TBCK: variants seen among roughly 807,000 people sequenced by gnomAD.
TBCK encodes TBC domain-containing protein kinase-like protein.
In TBCK, 99 loss-of-function variants were observed where a neutral mutation model predicts 113.4. The ratio of observed to expected loss-of-function variants is 0.87; its 90% CI spans 0.74 to 1.03. The LOEUF (loss-of-function observed/expected upper bound fraction) is 1.03. Among genes scored for constraint, TBCK ranks in the 50% least tolerant of loss-of-function variants. The pLI is 0.00. For synonymous variants in TBCK, 369 were observed against 370.8 expected, an observed-to-expected ratio of 1.00 and a Z score of 0.05; for missense variants, 1,045 against 1,061.3, an observed-to-expected ratio of 0.98 and a Z score of 0.21.
At chr4:106,230,764 A>C (rs969992998) in intron 18 of TBCK, among the ~76,000 whole-genome samples, 7 of 151,862 alleles carry the variant, frequency 4.6e-5, no homozygotes, top group South Asian at 4.1e-4. Context: ...CATTATTAGT[A>C]AGTTATACGG....
intron 23 of TBCK, among the ~76,000 whole-genome samples, chr4:106,132,374 G>C (rs896223120): frequency 9.8e-5 from 15 of 152,388 alleles, no homozygotes; most frequent in African/African-American, 3.6e-4. Context: ...CTTTGCTTCA[G>C]GGGGTGCAAG....
intron 24 of TBCK, among the ~76,000 whole-genome samples, chr4:106,108,159 C>T (rs899194140): frequency 6.6e-6 from 1 of 152,076 alleles, no homozygotes; most frequent in African/African-American, 2.4e-5. Context: ...GGATTCATAA[C>T]CAAATTCTAC....
chr4:106,220,606 T>C (rs562246486), intron 19 of TBCK, among the ~76,000 whole-genome samples: 1 of 152,142 alleles, frequency 6.6e-6, no homozygotes, highest in South Asian at 2.1e-4. Flanking sequence ...TTACCCATGC[T>C]GGATTTAAAA....
intron 1 of TBCK, chr4:106,310,255 G>C (rs1198818989): frequency 6.6e-6 from 1 of 152,134 alleles, no homozygotes; most frequent in Admixed American, 6.5e-5. Flanking sequence ...CAGGCCATGA[G>C]GTGATGAAAG....
intron 25 of TBCK, among the ~76,000 whole-genome samples, chr4:106,052,373 G>A (rs1434491573): frequency 6.6e-6 from 1 of 151,720 alleles, no homozygotes; most frequent in Admixed American, 6.6e-5. Flanking sequence ...TAAAAAGTGG[G>A]AGAGTCTAGA....
intron 3 of TBCK, among the ~76,000 whole-genome samples, chr4:106,273,206 A>C (rs1250041606): frequency 6.6e-6 from 1 of 152,276 alleles, no homozygotes; most frequent in Non-Finnish European, 1.5e-5. Context: ...ATACAACTTA[A>C]GATGAAGTTC....
chr4:106,181,860 T>C (rs950675593), intron 22 of TBCK, among the ~76,000 whole-genome samples: 1 of 152,192 alleles, frequency 6.6e-6, no homozygotes, highest in Non-Finnish European at 1.5e-5. Flanking sequence ...GGCTCTTTTT[T>C]GGTTCCATAT....
rs1553957897 is a variant in TBCK, at chr4:106,197,411, G to GTATATATATA, written c.1861-2667_1861-2658dup. On this transcript the variant is annotated intron_variant, in intron 20 of 25. Coordinates refer to ENST00000394708, the MANE Select transcript of TBCK (RefSeq NM_001163435.3). ...AGTGTGTGTGTGTGTGTGTGTGTGTGTATATATATATATATATATATAATA... is the reference window on the plus strand; with the variant it reads ...AGTGTGTGTGTGTGTGTGTGTGTGTGTATATATATATATATATATATATATATATATAATA... Among the ~76,000 whole-genome samples the GTATATATATA allele has an allele frequency of 2.5e-3, 312 of 122,454 alleles. 4 individuals are homozygous for GTATATATATA. Among genetic ancestry groups the GTATATATATA allele is most frequent in the East Asian group, 6.9e-3 (30 of 4,338 alleles). 80.3% of individuals were successfully genotyped at this position (122,454 alleles called of 152,430 possible).
At chr4:106,226,967 A>G (rs372754002) in intron 19 of TBCK, among the ~76,000 whole-genome samples, 12 of 152,222 alleles carry the variant, frequency 7.9e-5, no homozygotes, top group African/African-American at 2.9e-4. Flanking sequence ...GAAGTCAATG[A>G]CCTTATTAAG....
intron 5 of TBCK, among the ~76,000 whole-genome samples, chr4:106,254,655 G>C (rs1351818215): frequency 3.3e-5 from 5 of 151,820 alleles, no homozygotes; most frequent in Non-Finnish European, 5.9e-5. Context: ...GATTCATCTA[G>C]AATTCATTTT....
At chr4:106,208,911 T>A (rs1755830807) in intron 20 of TBCK, among the ~76,000 whole-genome samples, 1 of 152,090 alleles carries the variant, frequency 6.6e-6, no homozygotes, top group Admixed American at 6.5e-5. Flanking sequence ...AGACGCCGGC[T>A]CCCAAGGTGG....
intron 25 of TBCK, among the ~76,000 whole-genome samples, chr4:106,062,913 T>C (rs766503533): frequency 2.0e-5 from 3 of 151,922 alleles, no homozygotes; most frequent in Non-Finnish European, 2.9e-5. Context: ...AGAAAACCAA[T>C]GTCTGGATTA....
intron 1 of TBCK, among the ~76,000 whole-genome samples, chr4:106,315,156 G>A (rs556077269): frequency 1.3e-5 from 2 of 152,108 alleles, no homozygotes; most frequent in African/African-American, 4.8e-5. Context: ...ACGTAGAGAT[G>A]AGAGATTAGA....
intron 24 of TBCK, among the ~76,000 whole-genome samples, chr4:106,111,237 T>C (rs1742817075): frequency 6.6e-6 from 1 of 152,178 alleles, no homozygotes; most frequent in Non-Finnish European, 1.5e-5. Flanking sequence ...ATACAGTCCT[T>C]GTAATTTGCC....
chr4:106,302,476 G>A (rs1433273987), intron 2 of TBCK, among the ~76,000 whole-genome samples: 1 of 152,198 alleles, frequency 6.6e-6, no homozygotes, highest in East Asian at 1.9e-4. Flanking sequence ...GCCCGTTTAG[G>A]TAGAGGAAGG....
chr4:106,283,982 T>G (rs892075894), intron 3 of TBCK, among the ~76,000 whole-genome samples: 1 of 152,180 alleles, frequency 6.6e-6, no homozygotes, highest in Admixed American at 6.5e-5. Context: ...CAAGTTTGTA[T>G]TAACAACACT....
intron 25 of TBCK, among the ~76,000 whole-genome samples, chr4:106,062,521 T>C (rs1357494284): frequency 6.6e-6 from 1 of 151,906 alleles, no homozygotes; most frequent in African/African-American, 2.4e-5. Context: ...AAGTACGCTA[T>C]GCCCTGAAAA....
chr4:106,124,601 C>G (rs1332846961), intron 23 of TBCK, among the ~76,000 whole-genome samples: 2 of 152,070 alleles, frequency 1.3e-5, no homozygotes, highest in African/African-American at 2.4e-5. Context: ...GGAGCCAACC[C>G]AAATGTCCAA....
rs546226216 is a variant in TBCK at position 106,289,743 on chromosome 4, G to A, written c.266+5351C>T. 8.6e-5 allele frequency among the ~76,000 whole-genome samples: 13 copies of A among 150,856 alleles called. No homozygotes were observed. The South Asian group carries it at 2.7e-3, about 32-fold the overall frequency. ...AGATCATGCCACTGCACTCCAGCCTGGGTGACAGAGCGAGACTCTGTCTCA... is the reference window on the plus strand; with the variant it reads ...AGATCATGCCACTGCACTCCAGCCTAGGTGACAGAGCGAGACTCTGTCTCA... On this transcript the variant is annotated intron_variant, in intron 3 of 25. Coordinates refer to ENST00000394708, the MANE Select transcript of TBCK (RefSeq NM_001163435.3).
Sources: gnomAD v4.1 joint callset for allele counts (sites outside exome capture counted in the v4.1 genomes callset) on GRCh38, gnomAD v4.1.1 for gene constraint, MANE v1.5 for transcripts, NCBI Gene and HGNC (gene_info 2026-07-23, HGNC 2026-07-21) for gene names.